VWA3A: variants seen among roughly 807,000 people sequenced by gnomAD.
The protein encoded by VWA3A is von Willebrand factor A domain containing 3A.
A neutral mutation model predicts 160.4 loss-of-function variants in VWA3A; 134 were observed. That is an observed-to-expected ratio of 0.84 (90% confidence interval 0.73 to 0.96). The LOEUF is 0.96. VWA3A is among the 40% of genes least tolerant of loss of function. The pLI is 0.00. For synonymous variants in VWA3A, 476 were observed against 543.4 expected, an observed-to-expected ratio of 0.88 and a Z score of 1.72; for missense variants, 1,310 against 1,447.9, an observed-to-expected ratio of 0.90 and a Z score of 1.55.
In VWA3A at chr16:22,115,543, A is replaced by G. The variant is rs1361046951; in HGVS notation, c.815+71A>G. 2.0e-6 allele frequency: 3 copies of G among 1,492,514 alleles called. No individual in the cohort carries two copies. The East Asian group carries it at 7.3e-5, about 36-fold the overall frequency. 92.5% of individuals were successfully genotyped at this position (1,492,514 alleles called of 1,614,324 possible). A position where few individuals can be genotyped will look rare whatever the true frequency, so the allele number is the denominator to read the frequency against. ...TGAAAAACCAAACCACTTTTTGAGAAAAGATTGGCTTGTCACAGTGGCTCA... is the reference window on the plus strand; with the variant it reads ...TGAAAAACCAAACCACTTTTTGAGAGAAGATTGGCTTGTCACAGTGGCTCA... On this transcript the variant is annotated intron_variant, in intron 9 of 33. Transcript: ENST00000389398.
At chr16:22,123,511 CA>C in intron 15 of VWA3A, 101 bp from the exon 16 acceptor site, 1 of 1,605,106 alleles carries the variant, frequency 6.2e-7, no homozygotes, top group Non-Finnish European at 8.5e-7. Flanking sequence ...AGGGACTTGA[CA>C]CACCATTCCC....
At chr16:22,150,538 G>A (rs2046330694) in intron 29 of VWA3A, among the ~76,000 whole-genome samples, 157 bp from the exon 30 acceptor site, 1 of 152,190 alleles carries the variant, frequency 6.6e-6, no homozygotes, top group African/African-American at 2.4e-5. Context: ...GTCTGTCTGA[G>A]GCTGAAAGAG....
Position 22,131,728 on chromosome 16 carries a change from T to C in VWA3A, c.1871T>C (p.Met624Thr), listed in dbSNP as rs762083098. Residue 624 changes from methionine to threonine, a missense_variant and splice_region_variant, in exon 19 of 34, where the codon ATG (methionine) becomes ACG (threonine). Coordinates refer to ENST00000389398, the MANE Select transcript of VWA3A (RefSeq NM_173615.5). ...ACTGGGGGCATCCCCGACCAGGACA[T>C]GGTGGGTAGGCCACGTCCTGGGTGT... ...LFTGGIPDQD[M>T]PTLSAYMAEA... The C allele has an allele frequency of 6.2e-7, 1 of 1,613,038 alleles. No homozygotes were observed. Among genetic ancestry groups the C allele is most frequent in the South Asian group, 1.1e-5 (1 of 90,904 alleles).
chr16:22,136,390 G>C (rs1190107125), intron 21 of VWA3A, among the ~76,000 whole-genome samples: 1 of 152,128 alleles, frequency 6.6e-6, no homozygotes, highest in Non-Finnish European at 1.5e-5. Context: ...TCTGGGACAA[G>C]GGTGAGTTTG....
In VWA3A at chr16:22,121,055, A is replaced by T. The variant is rs200388776; in HGVS notation, c.1204A>T (p.Asn402Tyr). ...CGCTCCTCTCACCATTGAGTTTCCA[A>T]ACTTGGACAAGACTTCTGCAGAGTG... ...HDAPLTIEFPNLDKTSAEWLK... is the reference protein window; with the variant it reads ...HDAPLTIEFPYLDKTSAEWLK... The change falls in exon 13 of 34, where the codon AAC becomes TAC. Residue 402 changes from asparagine (N) to tyrosine (Y), a missense_variant. Transcript: ENST00000389398. 1,355 of 1,613,868 alleles carry T rather than the reference A, an allele frequency of 8.4e-4. 2 individuals carry two copies. Among genetic ancestry groups the T allele is most frequent in the Non-Finnish European group, 1.1e-3 (1,257 of 1,179,892 alleles).
At chr16:22,095,192 G>A (rs1436313434) in intron 1 of VWA3A, among the ~76,000 whole-genome samples, 1 of 152,104 alleles carries the variant, frequency 6.6e-6, no homozygotes, top group Non-Finnish European at 1.5e-5. Flanking sequence ...ATAAAACAAA[G>A]GAAACTGAAA....
intron 9 of VWA3A, among the ~76,000 whole-genome samples, chr16:22,116,522 C>T (rs929515814): frequency 6.6e-6 from 1 of 152,126 alleles, no homozygotes; most frequent in Non-Finnish European, 1.5e-5. Flanking sequence ...TCAACAATGA[C>T]TCTTCACACA....
chr16:22,122,119 TGATGGATGGATG>T (rs113111289), intron 14 of VWA3A, among the ~76,000 whole-genome samples: 158 of 146,010 alleles, frequency 1.1e-3, no homozygotes, highest in Admixed American at 3.0e-3. Flanking sequence ...AGGAAAAGAA[TGATGGATGGATG>T]GATGGATGGA....
chr16:22,096,737 C>CCTAT (rs1466639844), intron 1 of VWA3A, 122 bp from the exon 2 acceptor site: 12 of 665,818 alleles, frequency 1.8e-5, no homozygotes, highest in Non-Finnish European at 2.8e-5. Context: ...TAAGTGAGAC[C>CCTAT]CTATCTCAAA....
rs2045977820 is a variant in VWA3A, at chr16:22,133,050, G to A, written c.2023G>A (p.Val675Ile). The change falls in exon 20 of 34, where the codon GTC (valine) becomes ATC (isoleucine). Residue 675 changes from valine to isoleucine, a missense_variant. Val to Ile is a conservative substitution (Grantham distance 29, BLOSUM62 3). Coordinates refer to ENST00000389398, the MANE Select transcript of VWA3A (RefSeq NM_173615.5). ...HTDTAAAYKE[V>I]TRAAGGRFHW... is the part of the protein sequence containing the mutation. ...TGACACAGCCGCCGCCTACAAGGAG[G>A]TCACCCGGGCTGCAGGTGGCCGCTT... 6.2e-7 allele frequency: 1 copy of A among 1,613,738 alleles called. No homozygotes were observed. The highest frequency in any genetic ancestry group is 1.3e-5 in the African/African-American group (1 of 74,918).
At chr16:22,114,935 A>T (rs1598058765) in intron 8 of VWA3A, among the ~76,000 whole-genome samples, 4 of 151,968 alleles carry the variant, frequency 2.6e-5, no homozygotes, top group Admixed American at 2.6e-4. Flanking sequence ...CCTCCCAAGT[A>T]GCTGGGATTA....
Position 22,138,495 on chromosome 16 carries a change from C to G in VWA3A, c.2275C>G (p.Pro759Ala). The G allele has an allele frequency of 6.2e-7, 1 of 1,613,928 alleles. No individual in the cohort carries two copies. Among genetic ancestry groups the G allele is most frequent in the South Asian group, 1.1e-5 (1 of 91,062 alleles). ...KKLCPPRPTV[P>A]LGARMSIKDD... ...GCTCTGCCCTCCCAGGCCCACCGTC[C>G]CCCTGGGGGCCAGAATGGTTTGACT... The change falls in exon 22 of 34, where the codon CCC becomes GCC. Residue 759 changes from proline to alanine, a missense_variant. Transcript: ENST00000389398.
At chr16:22,135,634 C>T (rs558479112) in intron 21 of VWA3A, among the ~76,000 whole-genome samples, 2 of 152,234 alleles carry the variant, frequency 1.3e-5, no homozygotes, top group African/African-American at 4.8e-5. Flanking sequence ...CTGTGTGCTG[C>T]ACATTCTGGC....
In VWA3A at chr16:22,140,140, T is replaced by G. The variant is rs1174484877; in HGVS notation, c.2293-14T>G. 1 of 1,611,652 alleles carries G rather than the reference T, an allele frequency of 6.2e-7. No homozygotes were observed. The highest frequency in any genetic ancestry group is 1.7e-5 in the Admixed American group (1 of 59,846). ...GGAACACTCCTCTGATGGGAAAGAT[T>G]GCCTGTTTTCTAGAGCATTAAAGAT... On this transcript the variant is annotated splice_polypyrimidine_tract_variant and intron_variant, in intron 22 of 33. Coordinates refer to ENST00000389398, the MANE Select transcript of VWA3A (RefSeq NM_173615.5).
At chr16:22,110,847 C>A in intron 7 of VWA3A, 41 bp from the exon 8 acceptor site, 1 of 1,552,112 alleles carries the variant, frequency 6.4e-7, no homozygotes, top group Non-Finnish European at 8.7e-7. Context: ...GCTCCCGATT[C>A]CCCTGGCTGT....
At chr16:22,133,160 C>T in intron 20 of VWA3A, 65 bp downstream of exon 20, 1 of 1,501,100 alleles carries the variant, frequency 6.7e-7, no homozygotes, top group South Asian at 1.2e-5. Context: ...CAGCATAGCT[C>T]CCTTAGACCA....
rs1024121755 is a variant in VWA3A at position 22,102,705 on chromosome 16, C to T, written c.429-770C>T. 2.6e-5 allele frequency among the ~76,000 whole-genome samples: 4 copies of T among 152,146 alleles called. 1 individual carries two copies. In the South Asian group the frequency reaches 6.2e-4, roughly 24 times the overall value. On this transcript the variant is annotated intron_variant, in intron 5 of 33. Transcript: ENST00000389398. ...CGATTGCTTAACTGCCTCTGTTGTG[C>T]CTTTATGATCAGTTTCCAGGAGACT...
At chr16:22,116,018 AAAGAG>A (rs1253957298) in intron 9 of VWA3A, among the ~76,000 whole-genome samples, 3 of 150,588 alleles carry the variant, frequency 2.0e-5, no homozygotes, top group Admixed American at 2.0e-4. Flanking sequence ...AAGAAAGAAG[AAAGAG>A]AAAAGATCAT....
chr16:22,144,508 G>C (rs1159475106), intron 26 of VWA3A, 124 bp downstream of exon 26: 10 of 1,368,494 alleles, frequency 7.3e-6, no homozygotes, highest in Non-Finnish European at 9.8e-6. Context: ...TCCCCAAAGT[G>C]GGACTCCCCT....
Sources: gnomAD v4.1 joint callset for allele counts (sites outside exome capture counted in the v4.1 genomes callset) on GRCh38, gnomAD v4.1.1 for gene constraint, MANE v1.5 for transcripts, NCBI Gene and HGNC (gene_info 2026-07-23, HGNC 2026-07-21) for gene names.